The following ASAP2 variants were observed in gnomAD, a reference collection of about 807,000 sequenced individuals.
ASAP2 encodes ArfGAP with SH3 domain, ankyrin repeat and PH domain 2.
Under a neutral mutation model 131.4 loss-of-function variants are expected in ASAP2, and 45 were observed. The observed-to-expected ratio is 0.34, with a 90% CI of 0.27 to 0.44. The LOEUF (loss-of-function observed/expected upper bound fraction) is 0.44. ASAP2 is among the 20% of genes least tolerant of loss of function. The pLI is 1.00. For synonymous variants in ASAP2, 510 were observed against 503.0 expected (o/e 1.01, Z -0.19); for missense variants, 1,011 against 1,297.0 (o/e 0.78, Z 3.39).
chr2:9,313,856 C>G (rs1052671763), intron 3 of ASAP2, among the ~76,000 whole-genome samples: 1 of 152,130 alleles, frequency 6.6e-6, no homozygotes, highest in African/African-American at 2.4e-5. Context: ...AATGAGGAGC[C>G]ATTAGTATCT....
chr2:9,333,872 C>A (rs1459850384), intron 7 of ASAP2, among the ~76,000 whole-genome samples: 1 of 152,088 alleles, frequency 6.6e-6, no homozygotes, highest in Admixed American at 6.6e-5. Flanking sequence ...TTATAGGTGA[C>A]CTCACAGCAT....
intron 2 of ASAP2, among the ~76,000 whole-genome samples, chr2:9,283,632 C>T (rs1667272947): frequency 1.3e-5 from 2 of 152,172 alleles, no homozygotes; most frequent in African/African-American, 2.4e-5. Context: ...ATGGCTCGGG[C>T]TGCTATAACA....
Position 9,279,313 on chromosome 2 carries a change from T to G in ASAP2, c.127-4T>G. ...GTTTAATGACTGTATTCTCTACATTTTAGGCTTTGGACGTGGACCGGATGG... is the reference window on the plus strand; with the variant it reads ...GTTTAATGACTGTATTCTCTACATTGTAGGCTTTGGACGTGGACCGGATGG... On this transcript the variant is annotated splice_polypyrimidine_tract_variant and splice_region_variant and intron_variant, in intron 1 of 27. Coordinates refer to ENST00000281419, the MANE Select transcript of ASAP2 (RefSeq NM_003887.3). The G allele has an allele frequency of 1.2e-6, 2 of 1,613,926 alleles. No individual in the cohort carries two copies. The highest frequency in any genetic ancestry group is 2.2e-5 in the South Asian group (2 of 91,074).
chr2:9,227,556 T>C (rs914617512), intron 1 of ASAP2, among the ~76,000 whole-genome samples: 1 of 152,218 alleles, frequency 6.6e-6, no homozygotes, highest in African/African-American at 2.4e-5. Context: ...ATGCACATTT[T>C]ACAGCTGAGA....
At chr2:9,349,234 G>A (rs958255535) in intron 11 of ASAP2, among the ~76,000 whole-genome samples, 2 of 152,114 alleles carry the variant, frequency 1.3e-5, no homozygotes, top group East Asian at 3.8e-4. Context: ...ATTTATCAAA[G>A]CACACAAACC....
At chr2:9,390,409 TG>T (rs1675627419) in intron 22 of ASAP2, among the ~76,000 whole-genome samples, 1 of 152,170 alleles carries the variant, frequency 6.6e-6, no homozygotes, top group Non-Finnish European at 1.5e-5. Flanking sequence ...GCCTCCAACA[TG>T]GGGTCACACC....
At chr2:9,231,786 A>C (rs1040168712) in intron 1 of ASAP2, among the ~76,000 whole-genome samples, 4 of 152,090 alleles carry the variant, frequency 2.6e-5, no homozygotes, top group Non-Finnish European at 5.9e-5. Flanking sequence ...GCCGTCTCGC[A>C]TGCCATCCTT....
intron 15 of ASAP2, among the ~76,000 whole-genome samples, chr2:9,365,633 G>T (rs1326464275): frequency 1.3e-5 from 2 of 152,206 alleles, no homozygotes; most frequent in Non-Finnish European, 2.9e-5. Flanking sequence ...GGAGGGAGAT[G>T]CCCACACACA....
At chr2:9,378,577 G>A (rs1674581460) in intron 18 of ASAP2, among the ~76,000 whole-genome samples, 1 of 152,238 alleles carries the variant, frequency 6.6e-6, no homozygotes, top group Non-Finnish European at 1.5e-5. Context: ...CAGCTGGCCG[G>A]CCTAGCACAG....
At chr2:9,357,569 G>C (rs1013567031) in intron 14 of ASAP2, among the ~76,000 whole-genome samples, 2 of 152,178 alleles carry the variant, frequency 1.3e-5, no homozygotes, top group African/African-American at 4.8e-5. Flanking sequence ...TCTTGAGAAA[G>C]GGTAAAGACA....
At chr2:9,377,589 C>G (rs1674505457) in intron 18 of ASAP2, among the ~76,000 whole-genome samples, 1 of 152,182 alleles carries the variant, frequency 6.6e-6, no homozygotes, top group African/African-American at 2.4e-5. Flanking sequence ...CAGCTGAAGG[C>G]TGGACTTCAA....
In ASAP2 at chr2:9,368,563, G is replaced by T. The variant is rs969953787; in HGVS notation, c.1556+44G>T. 4.5e-6 allele frequency: 7 copies of T among 1,567,334 alleles called. No individual in the cohort carries two copies. The African/African-American group carries it at 6.8e-5, about 15-fold the overall frequency. ...ATTCTCATTTGCTGAGTAAAGGTTT[G>T]CCTTTGCCCGAGCCCCGGGAGGCAG... is the stretch of plus-strand genomic sequence containing the variant. On this transcript the variant is annotated intron_variant, in intron 16 of 27. Coordinates refer to ENST00000281419, the MANE Select transcript of ASAP2 (RefSeq NM_003887.3).
At chr2:9,288,330 AC>A (rs1211103343) in intron 2 of ASAP2, among the ~76,000 whole-genome samples, 15 of 152,210 alleles carry the variant, frequency 9.9e-5, no homozygotes, top group Non-Finnish European at 2.1e-4. Flanking sequence ...TGTCATCTCC[AC>A]AGTGTTCATG....
At chr2:9,286,390 C>G (rs1011862545) in intron 2 of ASAP2, among the ~76,000 whole-genome samples, 2 of 149,284 alleles carry the variant, frequency 1.3e-5, no homozygotes. Context: ...AGAGTGAGAC[C>G]CTGTCTCCAA....
chr2:9,274,107 T>G (rs1473820103), intron 1 of ASAP2, among the ~76,000 whole-genome samples: 1 of 152,198 alleles, frequency 6.6e-6, no homozygotes, highest in Non-Finnish European at 1.5e-5. Flanking sequence ...TTATAATTTT[T>G]GCAAAGGTAG....
chr2:9,336,493 C>G (rs550701947), intron 9 of ASAP2, among the ~76,000 whole-genome samples: 3 of 152,306 alleles, frequency 2.0e-5, no homozygotes, highest in South Asian at 2.1e-4. Context: ...GCACAGATGG[C>G]TTTTCACCAG....
chr2:9,290,344 G>T (rs545794455), intron 2 of ASAP2, among the ~76,000 whole-genome samples: 3 of 152,024 alleles, frequency 2.0e-5, no homozygotes, highest in African/African-American at 7.3e-5. Flanking sequence ...TGAGGAGCTG[G>T]GATTACAGAC....
chr2:9,375,860 C>T (rs976714213), intron 17 of ASAP2, among the ~76,000 whole-genome samples: 1 of 152,244 alleles, frequency 6.6e-6, no homozygotes, highest in African/African-American at 2.4e-5. Context: ...CCACACCCCA[C>T]TGTGCTCCCC....
intron 9 of ASAP2, among the ~76,000 whole-genome samples, chr2:9,335,655 G>A (rs1457396434): frequency 6.6e-6 from 1 of 152,214 alleles, no homozygotes; most frequent in African/African-American, 2.4e-5. Context: ...CCTCCATCAT[G>A]ACAGGCAGAA....
Sources: allele counts gnomAD v4.1 joint callset (sites outside exome capture counted in the v4.1 genomes callset), GRCh38; gene constraint gnomAD v4.1.1; transcripts MANE v1.5; gene names NCBI Gene and HGNC (gene_info 2026-07-23, HGNC 2026-07-21).